PCDH9: variants seen among roughly 807,000 people sequenced by gnomAD.
PCDH9 encodes protocadherin-9.
PCDH9 carries 24 observed loss-of-function variants against 70.6 expected under a neutral mutation model. The ratio of observed to expected loss-of-function variants is 0.34; its 90% CI spans 0.25 to 0.48. The LOEUF (loss-of-function observed/expected upper bound fraction) is 0.48, where lower values mean the gene tolerates loss of function less well. PCDH9 is among the 20% of genes least tolerant of loss of function. The pLI is 0.99. For missense variants in PCDH9, 1,281 were observed against 1,503.6 expected, an observed-to-expected ratio of 0.85 and a Z score of 2.45; for synonymous variants, 562 against 558.5, an observed-to-expected ratio of 1.01 and a Z score of -0.09.
At chr13:66,305,515 C>T (rs1227181977) in intron 4 of PCDH9, among the ~76,000 whole-genome samples, 2 of 151,996 alleles carry the variant, frequency 1.3e-5, no homozygotes, top group Non-Finnish European at 2.9e-5. Flanking sequence ...AACATAGCAT[C>T]ATTAAAAATA....
intron 3 of PCDH9, among the ~76,000 whole-genome samples, chr13:66,691,842 A>G (rs2078491480): frequency 6.6e-6 from 1 of 152,218 alleles, no homozygotes; most frequent in Non-Finnish European, 1.5e-5. Context: ...ATTTGAAATC[A>G]TGGTCAGTGC....
intron 4 of PCDH9, among the ~76,000 whole-genome samples, chr13:66,435,540 A>T (rs1228758804): frequency 6.6e-6 from 1 of 152,196 alleles, no homozygotes; most frequent in Non-Finnish European, 1.5e-5. Flanking sequence ...ATAATATTTT[A>T]GGATGCATTA....
intron 3 of PCDH9, among the ~76,000 whole-genome samples, chr13:66,845,317 G>C (rs917924273): frequency 2.0e-5 from 3 of 152,220 alleles, no homozygotes; most frequent in African/African-American, 7.2e-5. Flanking sequence ...GAGGCAGCAG[G>C]GAGCTGGCAT....
rs534661491 is a variant in PCDH9 at position 66,904,022 on chromosome 13, C to G, written c.3037-417G>C. Among the ~76,000 whole-genome samples, 10 of 151,932 alleles carry G rather than the reference C, an allele frequency of 6.6e-5. No individual in the cohort carries two copies. In the East Asian group the frequency reaches 1.9e-3, roughly 29 times the overall value. On this transcript the variant is annotated intron_variant, in intron 2 of 4. Transcript: ENST00000377865. ...CCACTTAAGGAAGAGGAGACTGAAG[C>G]ATAATTCCTCCCCCAACAAAGCTGT...
At chr13:66,934,856 G>A (rs1472483976) in intron 2 of PCDH9, among the ~76,000 whole-genome samples, 3 of 147,160 alleles carry the variant, frequency 2.0e-5, no homozygotes, top group Admixed American at 2.0e-4. Flanking sequence ...GAGTAGCTGG[G>A]ACTACAGGCG....
intron 4 of PCDH9, among the ~76,000 whole-genome samples, chr13:66,481,326 A>G (rs1958832886): frequency 1.3e-5 from 2 of 150,786 alleles, no homozygotes; most frequent in Admixed American, 1.3e-4. Flanking sequence ...AGAAACTGCC[A>G]TGGCCACCTC....
intron 4 of PCDH9, among the ~76,000 whole-genome samples, chr13:66,569,149 G>A (rs1331143431): frequency 6.6e-6 from 1 of 151,514 alleles, no homozygotes; most frequent in East Asian, 1.9e-4. Flanking sequence ...CTGCAGGCAT[G>A]TGCCACCACC....
At chr13:66,878,890 A>C (rs1464400660) in intron 3 of PCDH9, among the ~76,000 whole-genome samples, 1 of 152,198 alleles carries the variant, frequency 6.6e-6, no homozygotes, top group Non-Finnish European at 1.5e-5. Context: ...GTGTTTTGTA[A>C]GGGTTCTTTT....
intron 2 of PCDH9, among the ~76,000 whole-genome samples, chr13:66,950,546 G>A (rs946490233): frequency 6.6e-6 from 1 of 151,294 alleles, no homozygotes; most frequent in Non-Finnish European, 1.5e-5. Context: ...CTTTTGTTCT[G>A]GGAAAATATT....
At chr13:67,190,701 T>C (rs1391360595) in intron 2 of PCDH9, among the ~76,000 whole-genome samples, 1 of 152,032 alleles carries the variant, frequency 6.6e-6, no homozygotes, top group African/African-American at 2.4e-5. Flanking sequence ...CAACAAGGAT[T>C]TCAAAAGTAT....
chr13:67,008,691 TA>T (rs1409615823), intron 2 of PCDH9, among the ~76,000 whole-genome samples: 1 of 152,158 alleles, frequency 6.6e-6, no homozygotes, highest in Non-Finnish European at 1.5e-5. Flanking sequence ...TCATCTTAAA[TA>T]AACCCTCTCC....
intron 2 of PCDH9, chr13:67,201,862 C>A (rs1452428734): frequency 6.6e-6 from 1 of 151,764 alleles, no homozygotes; most frequent in African/African-American, 2.4e-5. Flanking sequence ...GTAAGTGTTA[C>A]CTATAGAATA....
chr13:66,403,870 C>T (rs79373942), intron 4 of PCDH9, among the ~76,000 whole-genome samples: 31 of 151,948 alleles, frequency 2.0e-4, no homozygotes, highest in Non-Finnish European at 3.2e-4. Flanking sequence ...TGAGAACTAA[C>T]GGACTACAGT....
chr13:67,119,579 G>A (rs1176551557), intron 2 of PCDH9, among the ~76,000 whole-genome samples: 1 of 152,128 alleles, frequency 6.6e-6, no homozygotes, highest in African/African-American at 2.4e-5. Flanking sequence ...AGATGGAAAA[G>A]CTGTGCAATC....
intron 2 of PCDH9, among the ~76,000 whole-genome samples, chr13:67,105,586 A>G (rs1322081225): frequency 6.6e-6 from 1 of 152,096 alleles, no homozygotes; most frequent in East Asian, 1.9e-4. Flanking sequence ...CATGATTTTT[A>G]TGAGTGATAG....
chr13:66,901,790 C>T (rs1012925430), intron 3 of PCDH9, among the ~76,000 whole-genome samples: 8 of 151,464 alleles, frequency 5.3e-5, no homozygotes, highest in African/African-American at 9.7e-5. Context: ...ATATTCTCTA[C>T]GAAAAATACG....
intron 2 of PCDH9, among the ~76,000 whole-genome samples, chr13:67,198,669 T>G (rs1307911942): frequency 4.0e-5 from 6 of 151,888 alleles, no homozygotes; most frequent in African/African-American, 9.7e-5. Flanking sequence ...TTACCCTTTT[T>G]GGGGGACAGT....
chr13:66,950,395 C>T (rs180868626), intron 2 of PCDH9, among the ~76,000 whole-genome samples: 49 of 152,124 alleles, frequency 3.2e-4, no homozygotes, highest in South Asian at 3.1e-3. Flanking sequence ...TATTGTTATG[C>T]TATGCCATGC....
intron 2 of PCDH9, among the ~76,000 whole-genome samples, chr13:67,151,088 T>G (rs138098632): frequency 1.3e-5 from 2 of 152,296 alleles, no homozygotes; most frequent in African/African-American, 2.4e-5. Flanking sequence ...AGAAAAATTC[T>G]CCATCTTTTT....
Sources: allele counts gnomAD v4.1 joint callset (sites outside exome capture counted in the v4.1 genomes callset), GRCh38; gene constraint gnomAD v4.1.1; transcripts MANE v1.5; gene names NCBI Gene and HGNC (gene_info 2026-07-23, HGNC 2026-07-21).